Variants in SDK1 observed in about 807,000 individuals in gnomAD.
SDK1 encodes the protein sidekick cell adhesion molecule 1.
Under a neutral mutation model 245.5 loss-of-function variants are expected in SDK1, and 157 were observed. The ratio of observed to expected loss-of-function variants is 0.64; its 90% confidence interval spans 0.56 to 0.73. The LOEUF (loss-of-function observed/expected upper bound fraction) is 0.73. SDK1 is among the 30% of genes least tolerant of loss of function. SDK1 has a pLI of 0.00. For missense variants in SDK1, 3,583 were observed against 3,002.3 expected (o/e 1.19, Z -4.52); for synonymous variants, 1,647 against 1,278.5 (o/e 1.29, Z -6.15).
At chr7:4,144,643 C>G (rs1242455908) in intron 28 of SDK1, among the ~76,000 whole-genome samples, 1 of 151,978 alleles carries the variant, frequency 6.6e-6, no homozygotes, top group African/African-American at 2.4e-5. Flanking sequence ...GAACCAGAGA[C>G]CTGAGAGCAG....
intron 4 of SDK1, among the ~76,000 whole-genome samples, chr7:3,657,907 G>A (rs1008695837): frequency 6.6e-6 from 1 of 152,208 alleles, no homozygotes; most frequent in Non-Finnish European, 1.5e-5. Flanking sequence ...TAGAGCCGAG[G>A]ATGGAGGTTG....
At chr7:4,144,628 T>C (rs935032937) in intron 28 of SDK1, among the ~76,000 whole-genome samples, 7 of 151,796 alleles carry the variant, frequency 4.6e-5, no homozygotes, top group Non-Finnish European at 8.8e-5. Flanking sequence ...AGCTCGGTCG[T>C]TCATGAACCA....
intron 10 of SDK1, among the ~76,000 whole-genome samples, chr7:3,968,719 T>G (rs567207318): frequency 1.8e-4 from 27 of 152,346 alleles, no homozygotes; most frequent in African/African-American, 6.3e-4. Flanking sequence ...TGTTCTTGGT[T>G]TTTGTTATTC....
At chr7:3,700,641 G>A (rs1784713174) in intron 4 of SDK1, among the ~76,000 whole-genome samples, 1 of 152,100 alleles carries the variant, frequency 6.6e-6, no homozygotes, top group South Asian at 2.1e-4. Flanking sequence ...AGGGAAACAA[G>A]AAAACAGAGA....
chr7:4,012,220 G>C lies in SDK1; in HGVS notation c.2405G>C (p.Arg802Pro). 6.5e-7 allele frequency: 1 copy of C among 1,527,290 alleles called. No individual in the cohort carries two copies. Among genetic ancestry groups the C allele is most frequent in the Non-Finnish European group, 8.8e-7 (1 of 1,139,638 alleles). 94.6% of individuals were successfully genotyped at this position (1,527,290 alleles called of 1,614,324 possible). ...PPETEHNGVL[R>P]GYILRYRLAG... ...GAAACAGAGCACAACGGGGTGTTGC[G>C]TGGATACATCCTCAGGCAAGTGCCC... The change falls in exon 16 of 45, where the codon CGT becomes CCT. Residue 802 changes from arginine to proline, a missense_variant. By Grantham distance (103) the Arg-to-Pro change is moderately radical. Coordinates refer to ENST00000404826, the MANE Select transcript of SDK1 (RefSeq NM_152744.4).
chr7:3,383,749 A>T (rs1583777233), intron 1 of SDK1, among the ~76,000 whole-genome samples: 1 of 152,236 alleles, frequency 6.6e-6, no homozygotes, highest in East Asian at 1.9e-4. Flanking sequence ...TGATTATCAA[A>T]CATCTTTGAT....
intron 1 of SDK1, among the ~76,000 whole-genome samples, chr7:3,585,523 G>C (rs1241471328): frequency 6.6e-6 from 1 of 152,224 alleles, no homozygotes; most frequent in Non-Finnish European, 1.5e-5. Context: ...GGTAGCTGGA[G>C]GAGTGGAGTG....
intron 5 of SDK1, among the ~76,000 whole-genome samples, chr7:3,856,536 A>G (rs556808889): frequency 1.3e-3 from 202 of 151,358 alleles, no homozygotes; most frequent in African/African-American, 4.5e-3. Context: ...CACGCTTGCA[A>G]TCCCAGTACT....
At chr7:4,242,297 A>T (rs1359041199) in intron 43 of SDK1, among the ~76,000 whole-genome samples, 1 of 152,140 alleles carries the variant, frequency 6.6e-6, no homozygotes, top group Non-Finnish European at 1.5e-5. Context: ...CCTCGCAAGC[A>T]AGCCTGGTGC....
intron 1 of SDK1, among the ~76,000 whole-genome samples, chr7:3,612,831 G>A (rs1781645063): frequency 6.6e-6 from 1 of 152,120 alleles, no homozygotes; most frequent in South Asian, 2.1e-4. Flanking sequence ...CTGATTGACG[G>A]TGCTGATTAT....
intron 35 of SDK1, among the ~76,000 whole-genome samples, chr7:4,193,076 T>C (rs1353012300): frequency 7.3e-6 from 1 of 137,766 alleles, no homozygotes; most frequent in African/African-American, 2.7e-5. Flanking sequence ...TAATATATAA[T>C]ATATAAAATA....
chr7:3,904,877 C>A (rs528945649), intron 5 of SDK1, among the ~76,000 whole-genome samples: 145 of 151,746 alleles, frequency 9.6e-4, no homozygotes, highest in Non-Finnish European at 1.8e-3. Flanking sequence ...CCTGTAGTCC[C>A]AGCTACTCGG....
Position 3,987,172 on chromosome 7 carries a change from C to G in SDK1, c.1995-14C>G, listed in dbSNP as rs1337555614. On this transcript the variant is annotated splice_polypyrimidine_tract_variant and intron_variant, in intron 13 of 44. Coordinates refer to ENST00000404826, the MANE Select transcript of SDK1 (RefSeq NM_152744.4). Reference sequence around the variant, plus strand: ...TGTTTTCCTCTTTTTCCTTTTCATCCCATTCAATTCAAGTGAACTGCCTCA... The same window carrying G: ...TGTTTTCCTCTTTTTCCTTTTCATCGCATTCAATTCAAGTGAACTGCCTCA... The G allele has an allele frequency of 1.9e-6, 3 of 1,613,074 alleles. No individual in the cohort carries two copies. The highest frequency in any genetic ancestry group is 2.7e-5 in the African/African-American group (2 of 74,848).
Position 4,113,278 on chromosome 7 carries a change from T to G in SDK1, c.3435-11T>G. The stretch of plus-strand genomic sequence containing the variant: ...CTTTGCCGTGACTCTCATCAGTGGT[T>G]TTTCCTTTAGATTTCGAATGAAGCA... On this transcript the variant is annotated splice_polypyrimidine_tract_variant and intron_variant, in intron 23 of 44. Transcript: ENST00000404826. 6.2e-7 allele frequency: 1 copy of G among 1,611,340 alleles called. No individual in the cohort carries two copies. Among genetic ancestry groups the G allele is most frequent in the South Asian group, 1.1e-5 (1 of 90,706 alleles).
intron 1 of SDK1, among the ~76,000 whole-genome samples, chr7:3,593,242 G>A (rs778519035): frequency 2.6e-5 from 4 of 152,138 alleles, no homozygotes; most frequent in African/African-American, 9.7e-5. Flanking sequence ...TTGAAAAGTG[G>A]CCTTTTGTCT....
chr7:4,268,894 G>A lies in SDK1; in HGVS notation c.*3510G>A. The A allele has an allele frequency of 2.3e-6, 1 of 444,368 alleles. No homozygotes were observed. The highest frequency in any genetic ancestry group is 4.2e-6 in the Non-Finnish European group (1 of 240,034). 27.5% of individuals were successfully genotyped at this position (444,368 alleles called of 1,614,324 possible). A position where few individuals can be genotyped will look rare whatever the true frequency, so the allele number is the denominator to read the frequency against. On this transcript the variant is annotated 3_prime_UTR_variant, in exon 45 of 45. Coordinates refer to ENST00000404826, the MANE Select transcript of SDK1 (RefSeq NM_152744.4). ...GTTCCCTACAACTTTTTCTGAAATT[G>A]TGCAGAAAAACAGATCTCATTAAAA... is the stretch of plus-strand genomic sequence containing the variant.
Position 3,619,112 on chromosome 7 carries a change from G to C in SDK1, c.331G>C (p.Gly111Arg), listed in dbSNP as rs752439018. 2.4e-5 allele frequency: 38 copies of C among 1,612,046 alleles called. No individual in the cohort carries two copies. The highest frequency in any genetic ancestry group is 2.5e-5 in the Non-Finnish European group (29 of 1,178,672). The change falls in exon 2 of 45, where the codon GGC becomes CGC. Residue 111 changes from glycine to arginine, a missense_variant. Coordinates refer to ENST00000404826, the MANE Select transcript of SDK1 (RefSeq NM_152744.4). ...TGCTCCATATTTTAAAACGGAGCCA[G>C]GCCTACCACAGATCCACCTGGAAGG... is the stretch of plus-strand genomic sequence containing the variant. ...DVAPYFKTEP[G>R]LPQIHLEGNR...
rs75186928 is a variant in SDK1, at chr7:3,596,906, C to T, written c.299-22174C>T. Among the ~76,000 whole-genome samples the T allele has an allele frequency of 2.8e-4, 43 of 152,282 alleles. 1 individual carries two copies. In the East Asian group the frequency reaches 5.4e-3, roughly 19 times the overall value. ...GGTACAGAAACAGCTAGATTGGTTA[C>T]AGCTTAGCGTCTGCCTTACTTGAAC... On this transcript the variant is annotated intron_variant, in intron 1 of 44. Transcript: ENST00000404826.
intron 22 of SDK1, among the ~76,000 whole-genome samples, chr7:4,091,981 C>T (rs779944828): frequency 2.0e-5 from 3 of 152,120 alleles, no homozygotes; most frequent in Non-Finnish European, 4.4e-5. Flanking sequence ...GGAAAGACAT[C>T]GTGACAAGCA....
Sources: gnomAD v4.1 joint callset for allele counts (sites outside exome capture counted in the v4.1 genomes callset) on GRCh38, gnomAD v4.1.1 for gene constraint, MANE v1.5 for transcripts, NCBI Gene and HGNC (gene_info 2026-07-23, HGNC 2026-07-21) for gene names.